Variants in MAPRE2 observed in about 807,000 individuals in gnomAD.
MAPRE2 encodes the protein microtubule-associated protein RP/EB family member 2.
MAPRE2 carries 13 observed loss-of-function variants against 43.2 expected under a neutral mutation model. That is an observed-to-expected ratio of 0.30 (90% CI 0.20 to 0.48). The LOEUF (loss-of-function observed/expected upper bound fraction) is 0.48, where lower values mean the gene tolerates loss of function less well. Among genes scored for constraint, MAPRE2 ranks in the 20% least tolerant of loss-of-function variants. The pLI is 0.99. For synonymous variants in MAPRE2, 135 were observed against 148.8 expected (o/e 0.91, Z 0.68); for missense variants, 161 against 400.2 (o/e 0.40, Z 5.10).
intron 1 of MAPRE2, among the ~76,000 whole-genome samples, chr18:35,064,535 T>C (rs111688462): frequency 7.9e-5 from 12 of 152,182 alleles, no homozygotes; most frequent in African/African-American, 2.4e-4. Context: ...ATATATTTGC[T>C]TAATTTTGAA....
intron 1 of MAPRE2, among the ~76,000 whole-genome samples, chr18:35,068,431 A>T (rs1418476901): frequency 1.3e-5 from 2 of 152,244 alleles, no homozygotes; most frequent in African/African-American, 4.8e-5. Flanking sequence ...GGCTAGCTTG[A>T]ATAAGCTCTT....
intron 2 of MAPRE2, among the ~76,000 whole-genome samples, chr18:35,075,656 T>G (rs1296520116): frequency 6.6e-6 from 1 of 152,138 alleles, no homozygotes; most frequent in Non-Finnish European, 1.5e-5. Flanking sequence ...GTCTTTTTGG[T>G]TTTTTTGCTG....
intron 2 of MAPRE2, among the ~76,000 whole-genome samples, chr18:35,097,096 C>A (rs1328822398): frequency 6.6e-6 from 1 of 152,066 alleles, no homozygotes; most frequent in Admixed American, 6.6e-5. Context: ...ATGTATATTT[C>A]TTTTCTCTGG....
chr18:35,046,251 T>G (rs893082549), intron 1 of MAPRE2, among the ~76,000 whole-genome samples: 1 of 152,246 alleles, frequency 6.6e-6, no homozygotes, highest in African/African-American at 2.4e-5. Flanking sequence ...AGATGCCCCT[T>G]GAAGGATCTT....
At chr18:35,095,116 G>C (rs950424114) in intron 2 of MAPRE2, among the ~76,000 whole-genome samples, 4 of 151,948 alleles carry the variant, frequency 2.6e-5, no homozygotes. Context: ...ATTCCACATG[G>C]ATTCAGAATT....
rs34194364 is a variant in MAPRE2 at position 35,055,537 on chromosome 18, C to CTGTGTGTGTGTGTGTGTGTGTG, written c.122+13882_122+13903dup. 4.1e-4 allele frequency among the ~76,000 whole-genome samples: 60 copies of CTGTGTGTGTGTGTGTGTGTGTG among 146,692 alleles called. 1 individual carries two copies. The highest frequency in any genetic ancestry group is 9.5e-4 in the African/African-American group (37 of 38,936). ...TCTTGCAGGGACACTATTCAGTTCT[C>CTGTGTGTGTGTGTGTGTGTGTG]TGTGTGTGTGTGTGTGTGTGTGTGT... On this transcript the variant is annotated intron_variant, in intron 1 of 6. Coordinates refer to ENST00000300249, the MANE Select transcript of MAPRE2 (RefSeq NM_014268.4).
chr18:35,115,021 T>C (rs1455775940), intron 4 of MAPRE2, among the ~76,000 whole-genome samples: 2 of 152,222 alleles, frequency 1.3e-5, no homozygotes. Context: ...ATTGATACTT[T>C]TTTTTGTTGC....
intron 2 of MAPRE2, among the ~76,000 whole-genome samples, chr18:35,030,068 A>T (rs2150591756): frequency 6.6e-6 from 1 of 152,270 alleles, no homozygotes; most frequent in East Asian, 1.9e-4. Flanking sequence ...CAAGAAAATT[A>T]TTTTTTTCTC....
intron 2 of MAPRE2, 118 bp from the exon 3 acceptor site, chr18:35,097,328 A>C (rs2144169036): frequency 1.2e-6 from 1 of 862,014 alleles, no homozygotes; most frequent in East Asian, 2.4e-5. Flanking sequence ...TAAGAAGGAC[A>C]CACTCTGCTC....
intron 2 of MAPRE2, among the ~76,000 whole-genome samples, chr18:35,086,511 C>T (rs1035253685): frequency 4.0e-5 from 6 of 151,830 alleles, no homozygotes; most frequent in South Asian, 2.1e-4. Flanking sequence ...CCAGTCCAAA[C>T]GATTTATATG....
At chr18:34,994,876 G>A (rs564318005) in intron 1 of MAPRE2, among the ~76,000 whole-genome samples, 2 of 152,212 alleles carry the variant, frequency 1.3e-5, no homozygotes, top group Non-Finnish European at 2.9e-5. Flanking sequence ...CAAACCCAGG[G>A]GATGATACCC....
At chr18:35,017,535 T>C (rs555142578) in intron 2 of MAPRE2, among the ~76,000 whole-genome samples, 1 of 149,808 alleles carries the variant, frequency 6.7e-6, no homozygotes, top group East Asian at 2.0e-4. Context: ...TGTTTAGATG[T>C]ATCCCTAGGT....
intron 1 of MAPRE2, among the ~76,000 whole-genome samples, chr18:35,058,927 A>G (rs554125845): frequency 1.3e-5 from 2 of 152,210 alleles, no homozygotes; most frequent in Admixed American, 6.5e-5. Context: ...CCTAGGTCCA[A>G]ATCCCTGCTT....
chr18:35,005,933 T>C (rs2097031637), intron 2 of MAPRE2, among the ~76,000 whole-genome samples: 1 of 152,194 alleles, frequency 6.6e-6, no homozygotes, highest in African/African-American at 2.4e-5. Context: ...AGCCACTCTG[T>C]TGGCTTTGAG....
At chr18:35,025,258 T>C (rs954545284) in intron 2 of MAPRE2, among the ~76,000 whole-genome samples, 2 of 152,360 alleles carry the variant, frequency 1.3e-5, no homozygotes, top group South Asian at 2.1e-4. Context: ...GTGTTTTGCG[T>C]GCAGAATGTG....
intron 2 of MAPRE2, among the ~76,000 whole-genome samples, chr18:35,025,509 T>C (rs1046078693): frequency 2.6e-5 from 4 of 152,214 alleles, no homozygotes; most frequent in African/African-American, 9.6e-5. Context: ...ATGTACTCGA[T>C]TGTAATTAAA....
At chr18:35,100,112 T>TTCACACAC (rs1189179568) in intron 3 of MAPRE2, among the ~76,000 whole-genome samples, 1 of 152,126 alleles carries the variant, frequency 6.6e-6, no homozygotes, top group African/African-American at 2.4e-5. Flanking sequence ...CTCACACACA[T>TTCACACAC]TCACACACTC....
At chr18:35,063,165 G>T (rs2957292) in intron 1 of MAPRE2, among the ~76,000 whole-genome samples, 1 of 151,622 alleles carries the variant, frequency 6.6e-6, no homozygotes, top group Non-Finnish European at 1.5e-5. Flanking sequence ...GTGCAGTGGC[G>T]CGATCTCGGC....
intron 5 of MAPRE2, chr18:35,127,671 G>T (rs1242757357): frequency 1.3e-5 from 2 of 152,168 alleles, no homozygotes; most frequent in Non-Finnish European, 2.9e-5. Context: ...TATTACACAA[G>T]CAAAACAAAA....
Sources: allele counts gnomAD v4.1 joint callset (sites outside exome capture counted in the v4.1 genomes callset), GRCh38; gene constraint gnomAD v4.1.1; transcripts MANE v1.5; gene names NCBI Gene and HGNC (gene_info 2026-07-23, HGNC 2026-07-21).